Variants in DTHD1 observed in about 807,000 individuals in gnomAD.
DTHD1 encodes death domain-containing protein 1.
DTHD1 carries 59 observed loss-of-function variants against 74.8 expected under a neutral mutation model. The observed-to-expected ratio is 0.79, with a 90% CI of 0.64 to 0.98. The LOEUF is 0.98. Among genes scored for constraint, DTHD1 ranks in the 50% least tolerant of loss-of-function variants. The pLI is 0.00. For missense variants in DTHD1, 1,051 were observed against 1,065.4 expected (o/e 0.99, Z 0.19); for synonymous variants, 365 against 371.1 (o/e 0.98, Z 0.19).
intron 8 of DTHD1, among the ~76,000 whole-genome samples, chr4:36,320,818 C>T (rs1273528106): frequency 2.0e-5 from 3 of 152,148 alleles, no homozygotes; most frequent in Non-Finnish European, 2.9e-5. Context: ...CCTAATATAG[C>T]AGTAGCTTGG....
At position 36,344,048 on chromosome 4, in the gene DTHD1, A is replaced by G. The variant is rs911913736; in HGVS notation, c.*224A>G. The G allele has an allele frequency of 7.7e-6, 4 of 516,460 alleles. No individual in the cohort carries two copies. Among genetic ancestry groups the G allele is most frequent in the African/African-American group, 7.6e-5 (4 of 52,614 alleles). 32.0% of individuals were successfully genotyped at this position (516,460 alleles called of 1,614,324 possible). On this transcript the variant is annotated 3_prime_UTR_variant, in exon 10 of 10. Transcript: ENST00000639862. ...GGTTGAGTGATTATGTTTTGCAACC[A>G]TGACTGTCTTGAGTTTGGCCTCACT...
chr4:36,308,387 C>G lies in DTHD1; in HGVS notation c.1989C>G (p.Asp663Glu). Residue 663 changes from aspartate to glutamate, a missense_variant, in exon 7 of 10, where the codon GAC becomes GAG. Physicochemically the swap from Asp to Glu is conservative, Grantham distance 45. Coordinates refer to ENST00000639862, the MANE Select transcript of DTHD1 (RefSeq NM_001170700.3). Reference sequence around the variant, plus strand: ...AAGATTTAAGCCAGGTGCTTAAGGACCTGCACTTGGAAGGGTTTGGAGGAC... The same window carrying G: ...AAGATTTAAGCCAGGTGCTTAAGGAGCTGCACTTGGAAGGGTTTGGAGGAC... ...PSKDLSQVLKDLHLEGFGGPP... is the reference protein window; with the variant it reads ...PSKDLSQVLKELHLEGFGGPP... 2 of 1,551,788 alleles carry G rather than the reference C, an allele frequency of 1.3e-6. No homozygotes were observed. The highest frequency in any genetic ancestry group is 1.7e-6 in the Non-Finnish European group (2 of 1,147,012).
chr4:36,335,232 G>T, intron 8 of DTHD1, among the ~76,000 whole-genome samples: 1 of 152,148 alleles, frequency 6.6e-6, no homozygotes, highest in South Asian at 2.1e-4. Flanking sequence ...TTTTTGTTAA[G>T]TTTTTTGAGG....
intron 5 of DTHD1, among the ~76,000 whole-genome samples, chr4:36,296,054 G>A (rs972408653): frequency 1.3e-5 from 2 of 152,040 alleles, no homozygotes; most frequent in African/African-American, 4.8e-5. Flanking sequence ...TGAAATGTAG[G>A]TTTAAATAAA....
intron 2 of DTHD1, among the ~76,000 whole-genome samples, chr4:36,285,658 TG>T (rs1465368259): frequency 7.4e-6 from 1 of 135,026 alleles, no homozygotes; most frequent in East Asian, 2.4e-4. Flanking sequence ...AAAAAAAATA[TG>T]TGTTTTGGGC....
At chr4:36,332,872 A>G (rs1319243600) in intron 8 of DTHD1, 1 of 152,198 alleles carries the variant, frequency 6.6e-6, no homozygotes, top group Non-Finnish European at 1.5e-5. Context: ...CAAAGTTTAT[A>G]TAACTCAGAT....
intron 6 of DTHD1, among the ~76,000 whole-genome samples, chr4:36,307,110 G>C (rs1757102601): frequency 6.6e-6 from 1 of 152,216 alleles, no homozygotes; most frequent in Non-Finnish European, 1.5e-5. Context: ...GGGCTGCTCT[G>C]GGTGAGGGCC....
intron 5 of DTHD1, among the ~76,000 whole-genome samples, chr4:36,305,560 A>G (rs1756994748): frequency 6.6e-6 from 1 of 152,232 alleles, no homozygotes; most frequent in Non-Finnish European, 1.5e-5. Context: ...GCTACAGTTC[A>G]AAATGAGATT....
At chr4:36,330,698 A>T (rs1758611234) in intron 8 of DTHD1, among the ~76,000 whole-genome samples, 1 of 152,148 alleles carries the variant, frequency 6.6e-6, no homozygotes, top group Non-Finnish European at 1.5e-5. Context: ...TATATCTGTG[A>T]AATGGGGATA....
chr4:36,302,959 G>C (rs1324263455), intron 5 of DTHD1, among the ~76,000 whole-genome samples: 1 of 152,118 alleles, frequency 6.6e-6, no homozygotes, highest in Non-Finnish European at 1.5e-5. Flanking sequence ...AATATAGAAT[G>C]AGAATTTTGA....
Position 36,297,937 on chromosome 4 carries a change from CGT to C in DTHD1, c.1643+2915_1643+2916del, listed in dbSNP as rs34885963. ...AATTGTGTGTGTGTGTGTGTGTGCA[CGT>C]GTGTGTGTGTGTGTGTTTATGTGAC... On this transcript the variant is annotated intron_variant, in intron 5 of 9. Coordinates refer to ENST00000639862, the MANE Select transcript of DTHD1 (RefSeq NM_001170700.3). 3.2e-3 allele frequency among the ~76,000 whole-genome samples: 475 copies of C among 148,924 alleles called. 2 individuals are homozygous for C. Among genetic ancestry groups the C allele is most frequent in the African/African-American group, 0.01 (419 of 40,418 alleles).
intron 6 of DTHD1, 128 bp downstream of exon 6, chr4:36,306,480 G>A: frequency 1.9e-6 from 2 of 1,041,508 alleles, no homozygotes; most frequent in Non-Finnish European, 1.3e-6. Context: ...TTCTTTAAAG[G>A]GTACTTAAAA....
At position 36,316,226 on chromosome 4, in the gene DTHD1, T is replaced by A. The variant is rs1297336814; in HGVS notation, c.2096-16T>A. 2.3e-5 allele frequency: 35 copies of A among 1,547,134 alleles called. No homozygotes were observed. Among genetic ancestry groups the A allele is most frequent in the Non-Finnish European group, 2.7e-5 (31 of 1,145,810 alleles). ...AGATAACTTAATGGTAATAAATACA[T>A]TTTACTTCTATTTAGGCAACGGGAA... On this transcript the variant is annotated splice_polypyrimidine_tract_variant and intron_variant, in intron 7 of 9. Transcript: ENST00000639862.
chr4:36,312,539 G>A (rs1172345513), intron 7 of DTHD1, among the ~76,000 whole-genome samples: 1 of 151,462 alleles, frequency 6.6e-6, no homozygotes, highest in Non-Finnish European at 1.5e-5. Context: ...GGGTGTAGCA[G>A]GCTTGCAGTT....
intron 5 of DTHD1, among the ~76,000 whole-genome samples, chr4:36,299,350 A>G (rs945424027): frequency 2.0e-5 from 3 of 152,182 alleles, no homozygotes; most frequent in Non-Finnish European, 2.9e-5. Context: ...CTTTGGAGAT[A>G]TTATGCCACT....
chr4:36,282,034 G>T lies in DTHD1; in HGVS notation c.271+5G>T. 6.6e-7 allele frequency: 1 copy of T among 1,520,870 alleles called. No individual in the cohort carries two copies. 94.2% of individuals were successfully genotyped at this position (1,520,870 alleles called of 1,614,324 possible). ...ATCAATGTGTCTCGAGAAAAGGCAA[G>T]TATTCTTTTTTTTAGTTTATTCTTT... On this transcript the variant is annotated splice_donor_5th_base_variant and intron_variant, in intron 1 of 9. Transcript: ENST00000639862.
At chr4:36,282,114 T>C (rs1341785025) in intron 1 of DTHD1, 85 bp downstream of exon 1, 3 of 1,104,708 alleles carry the variant, frequency 2.7e-6, no homozygotes, top group Non-Finnish European at 3.6e-6. Context: ...GTATACCAGA[T>C]AGGCTAAGAT....
intron 5 of DTHD1, among the ~76,000 whole-genome samples, chr4:36,301,309 A>G (rs932235835): frequency 6.6e-6 from 1 of 152,190 alleles, no homozygotes; most frequent in Admixed American, 6.5e-5. Flanking sequence ...GTTCATTAAT[A>G]TCCCTACATT....
rs1759496193 is a variant in DTHD1, at chr4:36,344,573, G to A, written c.*749G>A. 1 of 152,210 alleles carries A rather than the reference G, an allele frequency of 6.6e-6. No individual in the cohort carries two copies. Among genetic ancestry groups the A allele is most frequent in the African/African-American group, 2.4e-5 (1 of 41,454 alleles). 9.4% of individuals were successfully genotyped at this position (152,210 alleles called of 1,614,324 possible). A position where few individuals can be genotyped will look rare whatever the true frequency, so the allele number is the denominator to read the frequency against. On this transcript the variant is annotated 3_prime_UTR_variant, in exon 10 of 10. Coordinates refer to ENST00000639862, the MANE Select transcript of DTHD1 (RefSeq NM_001170700.3). Reference sequence around the variant, plus strand: ...ACCAAAGTTTTATAATGCAGATGAAGCCTCCAGGTAGCAGACTTTAGAGGG... The same window carrying A: ...ACCAAAGTTTTATAATGCAGATGAAACCTCCAGGTAGCAGACTTTAGAGGG...
Sources: allele counts gnomAD v4.1 joint callset (sites outside exome capture counted in the v4.1 genomes callset), GRCh38; gene constraint gnomAD v4.1.1; transcripts MANE v1.5; gene names NCBI Gene and HGNC (gene_info 2026-07-23, HGNC 2026-07-21).